The following LRRTM4 variants were observed in gnomAD, a reference collection of about 807,000 sequenced individuals.
LRRTM4 encodes leucine-rich repeat transmembrane neuronal protein 4.
Under a neutral mutation model 47.6 loss-of-function variants are expected in LRRTM4, and 25 were observed. The ratio of observed to expected loss-of-function variants is 0.53; its 90% CI spans 0.38 to 0.73. LRRTM4 has a LOEUF of 0.73. Among genes scored for constraint, LRRTM4 ranks in the 30% least tolerant of loss-of-function variants. The pLI, the probability that LRRTM4 is intolerant of heterozygous loss-of-function variation, is 0.00. For missense variants in LRRTM4, 638 were observed against 713.4 expected, an observed-to-expected ratio of 0.89 and a Z score of 1.20; for synonymous variants, 311 against 269.5, an observed-to-expected ratio of 1.15 and a Z score of -1.51.
intron 3 of LRRTM4, among the ~76,000 whole-genome samples, chr2:77,338,368 A>G (rs886707460): frequency 7.9e-5 from 12 of 152,088 alleles, no homozygotes; most frequent in Admixed American, 7.9e-4. Context: ...CTCAGAATCT[A>G]TAAGAAACTT....
chr2:76,905,317 C>G, intron 3 of LRRTM4, among the ~76,000 whole-genome samples: 1 of 152,136 alleles, frequency 6.6e-6, no homozygotes. Flanking sequence ...AACTAACAAA[C>G]AGAAAGGACA....
chr2:77,091,246 T>C (rs1572952319), intron 3 of LRRTM4, among the ~76,000 whole-genome samples: 1 of 137,876 alleles, frequency 7.3e-6, no homozygotes, highest in Non-Finnish European at 1.6e-5. Flanking sequence ...TCCTCTTGTA[T>C]CCCCCCACCT....
chr2:76,807,427 TA>T (rs1670532513), intron 3 of LRRTM4, among the ~76,000 whole-genome samples: 1 of 86,886 alleles, frequency 1.2e-5, no homozygotes, highest in African/African-American at 4.8e-5. Context: ...TATATATACA[TA>T]TATATATACG....
intron 3 of LRRTM4, among the ~76,000 whole-genome samples, chr2:77,350,867 T>G (rs1319521176): frequency 6.6e-6 from 1 of 152,182 alleles, no homozygotes; most frequent in Non-Finnish European, 1.5e-5. Flanking sequence ...TGTAGTGAAA[T>G]ACCACTATAA....
At chr2:76,799,210 C>T (rs1197311563) in intron 3 of LRRTM4, among the ~76,000 whole-genome samples, 2 of 126,478 alleles carry the variant, frequency 1.6e-5, no homozygotes, top group African/African-American at 6.9e-5. Flanking sequence ...CAATAAAATA[C>T]TGGCAAAACG....
intron 3 of LRRTM4, among the ~76,000 whole-genome samples, chr2:76,905,445 C>T (rs1304869862): frequency 6.6e-6 from 1 of 152,138 alleles, no homozygotes; most frequent in African/African-American, 2.4e-5. Flanking sequence ...CAGAGCACCT[C>T]TCCTCCTCCA....
intron 3 of LRRTM4, among the ~76,000 whole-genome samples, chr2:77,063,134 T>A (rs1409791391): frequency 6.6e-6 from 1 of 151,588 alleles, no homozygotes; most frequent in African/African-American, 2.4e-5. Context: ...TTTGTATTTT[T>A]TTTTTAGGAG....
At chr2:76,752,896 T>G (rs149493240) in intron 3 of LRRTM4, among the ~76,000 whole-genome samples, 2,267 of 152,290 alleles carry the variant, frequency 0.015, 52 homozygotes, top group African/African-American at 0.045. Flanking sequence ...AGCTCCACTC[T>G]ATAGCACAGC....
At chr2:77,305,189 C>T (rs1405868575) in intron 3 of LRRTM4, among the ~76,000 whole-genome samples, 2 of 151,920 alleles carry the variant, frequency 1.3e-5, no homozygotes, top group African/African-American at 4.8e-5. Flanking sequence ...CTAGTTAATT[C>T]AACACCAAAA....
At chr2:76,750,379 T>G (rs557233949) in intron 3 of LRRTM4, among the ~76,000 whole-genome samples, 6 of 152,196 alleles carry the variant, frequency 3.9e-5, no homozygotes, top group Non-Finnish European at 7.3e-5. Context: ...CTGTAAGTTG[T>G]AGGGGTGGTA....
rs899386850 is a variant in LRRTM4, at chr2:76,747,788, A to T, written c.*907T>A. The T allele has an allele frequency of 5.3e-5, 8 of 152,246 alleles. No homozygotes were observed. The highest frequency in any genetic ancestry group is 1.2e-4 in the Non-Finnish European group (8 of 68,046). The allele number at this position is 152,246 out of a possible 1,614,324, so 9.4% of individuals were successfully genotyped here. On this transcript the variant is annotated 3_prime_UTR_variant, in exon 4 of 4. Coordinates refer to ENST00000409884, the MANE Select transcript of LRRTM4 (RefSeq NM_001134745.3). Reference sequence around the variant, plus strand: ...ACAAAAGCTAATTGATAATTAATTTAAAAAGCAATGTTACACATTATCTTG... The same window carrying T: ...ACAAAAGCTAATTGATAATTAATTTTAAAAGCAATGTTACACATTATCTTG...
chr2:76,805,753 A>G (rs1402388974), intron 3 of LRRTM4, among the ~76,000 whole-genome samples: 2 of 152,172 alleles, frequency 1.3e-5, no homozygotes, highest in African/African-American at 2.4e-5. Context: ...AAGAAAACCC[A>G]CTTCTAAGTG....
At chr2:77,372,288 G>A (rs1239545514) in intron 3 of LRRTM4, among the ~76,000 whole-genome samples, 1 of 151,738 alleles carries the variant, frequency 6.6e-6, no homozygotes, top group East Asian at 1.9e-4. Flanking sequence ...AAACTGTCCA[G>A]AGACATACAC....
chr2:77,249,841 C>T (rs1675554904), intron 3 of LRRTM4, among the ~76,000 whole-genome samples: 1 of 152,186 alleles, frequency 6.6e-6, no homozygotes, highest in Non-Finnish European at 1.5e-5. Flanking sequence ...GGGTGTAAAA[C>T]TTACATCCAC....
At chr2:77,513,371 C>T (rs1283884403) in intron 3 of LRRTM4, among the ~76,000 whole-genome samples, 2 of 151,976 alleles carry the variant, frequency 1.3e-5, no homozygotes, top group African/African-American at 4.8e-5. Context: ...TATACTAATC[C>T]GAGAATTGCT....
At chr2:77,337,716 C>G (rs1463853099) in intron 3 of LRRTM4, among the ~76,000 whole-genome samples, 1 of 152,092 alleles carries the variant, frequency 6.6e-6, no homozygotes, top group African/African-American at 2.4e-5. Flanking sequence ...AATTAAACCT[C>G]TTGCCTTTAT....
chr2:76,927,551 C>A (rs896563617), intron 3 of LRRTM4, among the ~76,000 whole-genome samples: 2 of 152,024 alleles, frequency 1.3e-5, no homozygotes, highest in African/African-American at 2.4e-5. Context: ...TGTTAGTTTT[C>A]CAAAAGTCAT....
chr2:76,902,708 T>C (rs1473052447), intron 3 of LRRTM4, among the ~76,000 whole-genome samples: 1 of 152,156 alleles, frequency 6.6e-6, no homozygotes, highest in African/African-American at 2.4e-5. Context: ...TACCTGGACT[T>C]GCTCTCTAAG....
At chr2:77,355,452 C>A (rs1671932761) in intron 3 of LRRTM4, among the ~76,000 whole-genome samples, 1 of 152,068 alleles carries the variant, frequency 6.6e-6, no homozygotes, top group African/African-American at 2.4e-5. Context: ...ATTTCCTATG[C>A]CAAAATGATT....
Sources: allele counts gnomAD v4.1 joint callset (sites outside exome capture counted in the v4.1 genomes callset), GRCh38; gene constraint gnomAD v4.1.1; transcripts MANE v1.5; gene names NCBI Gene and HGNC (gene_info 2026-07-23, HGNC 2026-07-21).